Variants in ADGRB3 observed in about 807,000 individuals in gnomAD.
ADGRB3 encodes the protein adhesion G protein-coupled receptor B3, also known as brain-specific angiogenesis inhibitor 3.
A neutral mutation model predicts 193.4 loss-of-function variants in ADGRB3; 37 were observed. The ratio of observed to expected loss-of-function variants is 0.19; its 90% CI spans 0.15 to 0.25. The LOEUF (loss-of-function observed/expected upper bound fraction) is 0.25. Among genes scored for constraint, ADGRB3 ranks in the 10% least tolerant of loss-of-function variants. The pLI is 1.00. For missense variants in ADGRB3, 1,637 were observed against 1,852.9 expected (o/e 0.88, Z 2.14); for synonymous variants, 690 against 644.2 (o/e 1.07, Z -1.08).
At chr6:68,721,185 A>G (rs531335599) in intron 3 of ADGRB3, among the ~76,000 whole-genome samples, 50 of 152,020 alleles carry the variant, frequency 3.3e-4, no homozygotes, top group South Asian at 8.3e-4. Flanking sequence ...ACATATGTTT[A>G]TTGTGGCACC....
intron 10 of ADGRB3, among the ~76,000 whole-genome samples, chr6:68,977,961 GTCTTATAC>G (rs1445026394): frequency 2.0e-5 from 3 of 151,514 alleles, no homozygotes; most frequent in Non-Finnish European, 4.4e-5. Flanking sequence ...GAAATCATCT[GTCTTATAC>G]TCTATTGCTG....
chr6:69,030,962 T>TTTTC (rs949531148), intron 13 of ADGRB3, among the ~76,000 whole-genome samples: 1 of 94,102 alleles, frequency 1.1e-5, no homozygotes, highest in Admixed American at 9.4e-5. Flanking sequence ...TCTTTTTTTC[T>TTTTC]TTTCTTTTCT....
chr6:68,754,772 T>C lies in ADGRB3; in HGVS notation c.757+115340T>C, dbSNP rs115831789. Among the ~76,000 whole-genome samples the C allele has an allele frequency of 5.1e-3, 776 of 151,740 alleles. 4 individuals are homozygous for C. Among genetic ancestry groups the C allele is most frequent in the African/African-American group, 0.018 (735 of 41,366 alleles). ...AAAACAGCATTAGAAAGGTTGAAGA[T>C]ATCAACATGTATGCTCTCACTGAGA... On this transcript the variant is annotated intron_variant, in intron 3 of 31. Transcript: ENST00000370598.
chr6:69,046,116 T>A (rs1204015332), intron 13 of ADGRB3, among the ~76,000 whole-genome samples: 1 of 152,166 alleles, frequency 6.6e-6, no homozygotes, highest in Non-Finnish European at 1.5e-5. Flanking sequence ...GCCTTTCTGT[T>A]TGTTTTTTGT....
chr6:68,673,681 AGAT>A (rs1769017540), intron 3 of ADGRB3, among the ~76,000 whole-genome samples: 1 of 152,158 alleles, frequency 6.6e-6, no homozygotes, highest in Non-Finnish European at 1.5e-5. Context: ...TTAATTTCAG[AGAT>A]GATAAAACAA....
chr6:68,782,163 T>A (rs1766867067), intron 3 of ADGRB3, among the ~76,000 whole-genome samples: 1 of 129,484 alleles, frequency 7.7e-6, no homozygotes, highest in Admixed American at 9.0e-5. Context: ...GATGTTCCCC[T>A]TCCTGTGTCC....
At chr6:69,201,956 T>C (rs1232128624) in intron 17 of ADGRB3, among the ~76,000 whole-genome samples, 4 of 152,256 alleles carry the variant, frequency 2.6e-5, no homozygotes, top group Non-Finnish European at 5.9e-5. Context: ...AGACATCTTA[T>C]CCAGGAAAAA....
At chr6:68,750,643 T>C (rs1766179932) in intron 3 of ADGRB3, among the ~76,000 whole-genome samples, 2 of 152,218 alleles carry the variant, frequency 1.3e-5, no homozygotes, top group Admixed American at 1.3e-4. Flanking sequence ...CTTCTATCCA[T>C]GTCTGCTTTA....
At chr6:69,180,956 A>G (rs1775564117) in intron 17 of ADGRB3, among the ~76,000 whole-genome samples, 1 of 152,206 alleles carries the variant, frequency 6.6e-6, no homozygotes, top group Admixed American at 6.5e-5. Flanking sequence ...TCTTTCCCTC[A>G]CAGAGTACCC....
At chr6:69,058,068 T>C (rs1413095206) in intron 15 of ADGRB3, among the ~76,000 whole-genome samples, 1 of 151,942 alleles carries the variant, frequency 6.6e-6, no homozygotes, top group African/African-American at 2.4e-5. Context: ...TCTGGTCCTC[T>C]AGACTTTTGT....
chr6:68,747,771 C>T (rs1462772007), intron 3 of ADGRB3, among the ~76,000 whole-genome samples: 2 of 152,120 alleles, frequency 1.3e-5, no homozygotes, highest in East Asian at 3.9e-4. Flanking sequence ...AAAATGCCCA[C>T]AGCCCTTAAG....
chr6:69,330,693 A>G (rs567689612), intron 23 of ADGRB3, 121 bp downstream of exon 23: 2 of 607,266 alleles, frequency 3.3e-6, no homozygotes, highest in East Asian at 6.0e-5. Flanking sequence ...AGTTCAATGG[A>G]CTATTATTCT....
Position 69,063,164 on chromosome 6 carries a change from G to A in ADGRB3, c.2436+128G>A, listed in dbSNP as rs1013229898. 10 of 603,860 alleles carry A rather than the reference G, an allele frequency of 1.7e-5. No individual in the cohort carries two copies. In the African/African-American group the frequency reaches 1.9e-4, roughly 11 times the overall value. 37.4% of individuals were successfully genotyped at this position (603,860 alleles called of 1,614,324 possible). On this transcript the variant is annotated intron_variant, in intron 16 of 31. Transcript: ENST00000370598. Reference sequence around the variant, plus strand: ...TTGCAAATATATTAACTTGTTATGAGTATGTGTATTATAAAGAAACAGAAT... The same window carrying A: ...TTGCAAATATATTAACTTGTTATGAATATGTGTATTATAAAGAAACAGAAT...
intron 20 of ADGRB3, among the ~76,000 whole-genome samples, chr6:69,255,084 C>T (rs1333029401): frequency 1.3e-5 from 2 of 151,700 alleles, no homozygotes; most frequent in East Asian, 1.9e-4. Context: ...ATATGTGCCA[C>T]ATTTTCTTAA....
At chr6:69,106,736 T>C (rs943285385) in intron 17 of ADGRB3, among the ~76,000 whole-genome samples, 8 of 152,350 alleles carry the variant, frequency 5.3e-5, no homozygotes, top group African/African-American at 1.9e-4. Context: ...CATGAATTAT[T>C]TGTTTACACT....
At chr6:68,901,791 A>G (rs1297725037) in intron 3 of ADGRB3, among the ~76,000 whole-genome samples, 3 of 152,198 alleles carry the variant, frequency 2.0e-5, no homozygotes, top group Non-Finnish European at 4.4e-5. Flanking sequence ...TTATGCAAAT[A>G]CAGACATAAC....
At chr6:68,915,266 A>G (rs1363270769) in intron 3 of ADGRB3, among the ~76,000 whole-genome samples, 4 of 144,884 alleles carry the variant, frequency 2.8e-5, no homozygotes, top group African/African-American at 1.0e-4. Context: ...CATAAGTAAA[A>G]TGAGAATAAT....
intron 17 of ADGRB3, among the ~76,000 whole-genome samples, chr6:69,148,852 T>A (rs960791788): frequency 6.6e-6 from 1 of 152,180 alleles, no homozygotes; most frequent in Non-Finnish European, 1.5e-5. Flanking sequence ...CTTAAATATG[T>A]CATGCCACTT....
At position 69,237,472 on chromosome 6, in the gene ADGRB3, T is replaced by C. The variant is rs568162297; in HGVS notation, c.2712-1652T>C. On this transcript the variant is annotated intron_variant, in intron 19 of 31. Transcript: ENST00000370598. ...ATGAAAAAATAATGAAGCATGTCCT[T>C]GTCATCACTGTATTAACATAAAGCA... Among the ~76,000 whole-genome samples, 4 of 152,156 alleles carry C rather than the reference T, an allele frequency of 2.6e-5. No homozygotes were observed. The East Asian group carries it at 7.7e-4, about 29-fold the overall frequency.
Sources: gnomAD v4.1 joint callset for allele counts (sites outside exome capture counted in the v4.1 genomes callset) on GRCh38, gnomAD v4.1.1 for gene constraint, MANE v1.5 for transcripts, NCBI Gene and HGNC (gene_info 2026-07-23, HGNC 2026-07-21) for gene names.